The following PLA2G7 variants were observed in gnomAD, a reference collection of about 807,000 sequenced individuals.
The protein encoded by PLA2G7 is phospholipase A2 group VII, also known as platelet-activating factor acetylhydrolase.
PLA2G7 carries 63 observed loss-of-function variants against 49.6 expected under a neutral mutation model. The observed-to-expected ratio is 1.27, with a 90% CI of 1.04 to 1.57. The LOEUF (loss-of-function observed/expected upper bound fraction) is 1.57, where lower values mean the gene tolerates loss of function less well. Among genes scored for constraint, PLA2G7 ranks in the 40% most tolerant of loss-of-function variants. The pLI is 0.00. For missense variants in PLA2G7, 596 were observed against 521.2 expected (o/e 1.14, Z -1.40); for synonymous variants, 193 against 169.9 (o/e 1.14, Z -1.06).
intron 1 of PLA2G7, among the ~76,000 whole-genome samples, chr6:46,724,936 C>G (rs1765524288): frequency 6.6e-6 from 1 of 152,142 alleles, no homozygotes; most frequent in Non-Finnish European, 1.5e-5. Context: ...TACTATATGC[C>G]CTCTCCTATG....
At position 46,710,581 on chromosome 6, in the gene PLA2G7, A is replaced by G; in HGVS notation, c.741T>C (p.Asn247=). 6.2e-7 allele frequency: 1 copy of G among 1,612,858 alleles called. No homozygotes were observed. The highest frequency in any genetic ancestry group is 8.5e-7 in the Non-Finnish European group (1 of 1,178,870). The change falls in exon 8 of 12, where the codon AAT becomes AAC. Residue 247 remains asparagine, a synonymous_variant. Coordinates refer to ENST00000274793, the MANE Select transcript of PLA2G7 (RefSeq NM_005084.4). ...CCATATCAAACTTTAAATCTAATGCATTCTTCACTGGCTTTCCATGATCAA... is the reference window on the plus strand; with the variant it reads ...CCATATCAAACTTTAAATCTAATGCGTTCTTCACTGGCTTTCCATGATCAA... ...LDIDHGKPVK[N]ALDLKFDMEQ... is the part of the protein sequence containing the mutation.
chr6:46,715,465 G>A (rs1384765514), intron 4 of PLA2G7, among the ~76,000 whole-genome samples: 1 of 152,124 alleles, frequency 6.6e-6, no homozygotes, highest in African/African-American at 2.4e-5. Flanking sequence ...ATTTAATTAG[G>A]TAATATATGT....
intron 1 of PLA2G7, among the ~76,000 whole-genome samples, chr6:46,733,738 G>A (rs548564883): frequency 6.6e-6 from 1 of 152,156 alleles, no homozygotes; most frequent in African/African-American, 2.4e-5. Context: ...TGACCAGAAG[G>A]CCATCTGCTT....
intron 2 of PLA2G7, among the ~76,000 whole-genome samples, chr6:46,718,043 T>G (rs1488411415): frequency 1.3e-5 from 2 of 152,200 alleles, no homozygotes; most frequent in Non-Finnish European, 2.9e-5. Context: ...ACATTAGTTT[T>G]TAGCTTAGAA....
chr6:46,729,983 C>G (rs1018274818), intron 1 of PLA2G7, among the ~76,000 whole-genome samples: 3 of 152,190 alleles, frequency 2.0e-5, no homozygotes, highest in African/African-American at 7.2e-5. Context: ...CAGGAAAAAT[C>G]TAAAGACATC....
At chr6:46,723,069 T>C in intron 1 of PLA2G7, 144 bp from the exon 2 acceptor site, 2 of 610,124 alleles carry the variant, frequency 3.3e-6, no homozygotes, top group Non-Finnish European at 5.9e-6. Context: ...AGATTGGTAC[T>C]ACAATGGTAA....
intron 3 of PLA2G7, 61 bp downstream of exon 3, chr6:46,716,914 T>C: frequency 6.5e-7 from 1 of 1,538,046 alleles, no homozygotes. Flanking sequence ...CACCTTCTAG[T>C]GGTCCATAGC....
rs1410539287 is a variant in PLA2G7, at chr6:46,734,317, AGAGAGAGG to A, written c.-35+855_-35+862del. On this transcript the variant is annotated intron_variant, in intron 1 of 11. Transcript: ENST00000274793. ...CGCAATACTCCTCAAAGGGAGAGTG[AGAGAGAGG>A]GAGAGAGGGAGAAGGGTGTGTGAGA... Among the ~76,000 whole-genome samples the A allele has an allele frequency of 2.6e-5, 4 of 151,838 alleles. No homozygotes were observed. The East Asian group carries it at 5.9e-4, about 22-fold the overall frequency.
intron 4 of PLA2G7, among the ~76,000 whole-genome samples, chr6:46,715,930 G>A (rs1308620877): frequency 6.6e-6 from 1 of 152,240 alleles, no homozygotes; most frequent in Non-Finnish European, 1.5e-5. Flanking sequence ...TGATGGGAAT[G>A]AGAGTAGAGT....
Position 46,724,389 on chromosome 6 carries a change from A to T in PLA2G7, c.-34-1464T>A, listed in dbSNP as rs565619016. Among the ~76,000 whole-genome samples, 3 of 152,294 alleles carry T rather than the reference A, an allele frequency of 2.0e-5. No homozygotes were observed. In the South Asian group the frequency reaches 6.2e-4, roughly 32 times the overall value. On this transcript the variant is annotated intron_variant, in intron 1 of 11. Transcript: ENST00000274793. ...CAGTAAATGCCTGCTGAGTGAATAA[A>T]TCTAGCACATCTGGTTACTAATACA...
At chr6:46,719,527 G>A (rs577730342) in intron 2 of PLA2G7, among the ~76,000 whole-genome samples, 2 of 152,144 alleles carry the variant, frequency 1.3e-5, no homozygotes, top group Non-Finnish European at 2.9e-5. Flanking sequence ...AGCAATCCAT[G>A]GTCAAATGGT....
chr6:46,720,617 T>C (rs1242523181), intron 2 of PLA2G7, among the ~76,000 whole-genome samples: 1 of 152,180 alleles, frequency 6.6e-6, no homozygotes, highest in African/African-American at 2.4e-5. Context: ...TCAGGAGTCA[T>C]CATTAAGGAA....
At chr6:46,706,575 C>A (rs1163173227) in intron 10 of PLA2G7, among the ~76,000 whole-genome samples, 1 of 152,226 alleles carries the variant, frequency 6.6e-6, no homozygotes, top group Non-Finnish European at 1.5e-5. Flanking sequence ...GTGTGGCAGG[C>A]AGCAGGCCTT....
rs1764937451 is a variant in PLA2G7 at position 46,709,434 on chromosome 6, T to A, written c.778-16A>T. The stretch of plus-strand genomic sequence containing the variant: ...CAATAGAGTCCTATTTGAAAAAGCA[T>A]GATATAAATTTATAGCTATTTCGTG... On this transcript the variant is annotated splice_polypyrimidine_tract_variant and intron_variant, in intron 8 of 11. Transcript: ENST00000274793. 2 of 1,373,452 alleles carry A rather than the reference T, an allele frequency of 1.5e-6. No individual in the cohort carries two copies. Among genetic ancestry groups the A allele is most frequent in the Non-Finnish European group, 2.1e-6 (2 of 961,286 alleles). The allele number at this position is 1,373,452 out of a possible 1,614,324, so 85.1% of individuals were successfully genotyped here.
At chr6:46,728,293 T>G (rs946457775) in intron 1 of PLA2G7, among the ~76,000 whole-genome samples, 6 of 152,206 alleles carry the variant, frequency 3.9e-5, no homozygotes, top group Admixed American at 3.9e-4. Context: ...GGAGATATTT[T>G]TGGTTGCCAC....
At chr6:46,724,922 C>A (rs1452025359) in intron 1 of PLA2G7, among the ~76,000 whole-genome samples, 1 of 152,206 alleles carries the variant, frequency 6.6e-6, no homozygotes, top group East Asian at 1.9e-4. Flanking sequence ...ATTTCTTAAG[C>A]AAATACTATA....
At chr6:46,730,379 G>C (rs1309111505) in intron 1 of PLA2G7, among the ~76,000 whole-genome samples, 1 of 152,164 alleles carries the variant, frequency 6.6e-6, no homozygotes, top group Admixed American at 6.5e-5. Flanking sequence ...CAGGTTTGGG[G>C]ACTACCAGCA....
At chr6:46,730,708 G>T (rs1053376029) in intron 1 of PLA2G7, among the ~76,000 whole-genome samples, 1 of 152,110 alleles carries the variant, frequency 6.6e-6, no homozygotes, top group South Asian at 2.1e-4. Context: ...AATTACATTT[G>T]TATGTAATAT....
chr6:46,721,712 C>T (rs1001027369), intron 2 of PLA2G7, among the ~76,000 whole-genome samples: 2 of 150,852 alleles, frequency 1.3e-5, no homozygotes, highest in Admixed American at 6.6e-5. Flanking sequence ...CTTCCTGATG[C>T]GTTATAGGAT....
Sources: gnomAD v4.1 joint callset for allele counts (sites outside exome capture counted in the v4.1 genomes callset) on GRCh38, gnomAD v4.1.1 for gene constraint, MANE v1.5 for transcripts, NCBI Gene and HGNC (gene_info 2026-07-23, HGNC 2026-07-21) for gene names.